The following CA6 variants were observed in gnomAD, a reference collection of about 807,000 sequenced individuals.
CA6 encodes carbonic anhydrase 6.
In CA6, 28 loss-of-function variants were observed where a neutral mutation model predicts 35.9. That is an observed-to-expected ratio of 0.78 (90% CI 0.58 to 1.07). The LOEUF (loss-of-function observed/expected upper bound fraction) is 1.07. CA6 is among the 50% of genes least tolerant of loss of function. The pLI, the probability that CA6 is intolerant of heterozygous loss-of-function variation, is 0.00. For missense variants in CA6, 377 were observed against 382.0 expected (o/e 0.99, Z 0.11); for synonymous variants, 148 against 152.6 (o/e 0.97, Z 0.22).
At position 8,973,451 on chromosome 1, in the gene CA6, C is replaced by T. The variant is rs375308896; in HGVS notation, c.845-1171C>T. On this transcript the variant is annotated intron_variant, in intron 7 of 7. Transcript: ENST00000377443. ...ATCTGAAATGCTTTTTCCACTACAG[C>T]GTCACTCTAGCATCTCCTCACGAGG... Among the ~76,000 whole-genome samples, 14 of 152,336 alleles carry T rather than the reference C, an allele frequency of 9.2e-5. No individual in the cohort carries two copies. The South Asian group carries it at 2.5e-3, about 27-fold the overall frequency.
chr1:8,965,081 T>C (rs1639935633), intron 5 of CA6, among the ~76,000 whole-genome samples: 1 of 152,058 alleles, frequency 6.6e-6, no homozygotes, highest in South Asian at 2.1e-4. Context: ...CCGTCTCTAC[T>C]AAAAATACAA....
chr1:8,947,880 C>T (rs967512351), intron 1 of CA6, among the ~76,000 whole-genome samples: 1 of 147,192 alleles, frequency 6.8e-6, no homozygotes, highest in Admixed American at 6.7e-5. Context: ...GTTTCACTCT[C>T]GTTGCCCAGG....
chr1:8,959,577 G>A (rs1295869639), intron 4 of CA6, among the ~76,000 whole-genome samples: 3 of 151,862 alleles, frequency 2.0e-5, no homozygotes, highest in African/African-American at 7.2e-5. Flanking sequence ...GCCTCCCAAA[G>A]TGCTGGGATT....
At chr1:8,959,143 C>T (rs757487895) in intron 4 of CA6, 141 bp downstream of exon 4, 3 of 623,306 alleles carry the variant, frequency 4.8e-6, no homozygotes, top group South Asian at 2.0e-5. Flanking sequence ...AACATTGACT[C>T]GATGGAAGAT....
chr1:8,974,473 C>A, intron 7 of CA6, 149 bp from the exon 8 acceptor site: 1 of 1,495,908 alleles, frequency 6.7e-7, no homozygotes, highest in Non-Finnish European at 8.9e-7. Context: ...TGACTAAAGG[C>A]AATGCACCGG....
Position 8,970,847 on chromosome 1 carries a change from T to C in CA6, c.730-20T>C, listed in dbSNP as rs547651948. ...ACCCAGTGACTCTTCCCCTCCATAA[T>C]GCACTCACGTTGCCCCCAGGTTTGG... On this transcript the variant is annotated intron_variant, in intron 6 of 7. Coordinates refer to ENST00000377443, the MANE Select transcript of CA6 (RefSeq NM_001215.4). 1.5e-5 allele frequency: 21 copies of C among 1,428,690 alleles called. No individual in the cohort carries two copies. The East Asian group carries it at 4.6e-4, about 31-fold the overall frequency. The allele number at this position is 1,428,690 out of a possible 1,614,324, so 88.5% of individuals were successfully genotyped here. A position where few individuals can be genotyped will look rare whatever the true frequency, so the allele number is the denominator to read the frequency against.
rs1307448186 is a variant in CA6, at chr1:8,959,018, C to T, written c.501+16C>T. On this transcript the variant is annotated intron_variant, in intron 4 of 7. Coordinates refer to ENST00000377443, the MANE Select transcript of CA6 (RefSeq NM_001215.4). ...CTTCGTTGAGGTAAGCAGAAACTACCCATGTGTGTCTGTATTTGAAGTTAT... is the reference window on the plus strand; with the variant it reads ...CTTCGTTGAGGTAAGCAGAAACTACTCATGTGTGTCTGTATTTGAAGTTAT... 6.7e-7 allele frequency: 1 copy of T among 1,483,682 alleles called. No individual in the cohort carries two copies. The highest frequency in any genetic ancestry group is 1.7e-5 in the Admixed American group (1 of 59,410). 91.9% of individuals were successfully genotyped at this position (1,483,682 alleles called of 1,614,324 possible). A position where few individuals can be genotyped will look rare whatever the true frequency, so the allele number is the denominator to read the frequency against.
At chr1:8,970,564 G>A (rs967704047) in intron 6 of CA6, among the ~76,000 whole-genome samples, 5 of 151,684 alleles carry the variant, frequency 3.3e-5, no homozygotes, top group South Asian at 2.1e-4. Context: ...GCTGGAGTGC[G>A]GTTGCGTGAT....
At chr1:8,947,045 C>A (rs1033578077) in intron 1 of CA6, among the ~76,000 whole-genome samples, 1 of 151,936 alleles carries the variant, frequency 6.6e-6, no homozygotes, top group Non-Finnish European at 1.5e-5. Context: ...CTCAAGTGAT[C>A]CGCCCACCTT....
At chr1:8,970,350 T>C (rs1640076417) in intron 6 of CA6, among the ~76,000 whole-genome samples, 1 of 152,118 alleles carries the variant, frequency 6.6e-6, no homozygotes, top group Non-Finnish European at 1.5e-5. Flanking sequence ...AAAAGAGAGC[T>C]TGTGTGCAGA....
At chr1:8,959,472 G>A (rs552516664) in intron 4 of CA6, among the ~76,000 whole-genome samples, 4 of 144,318 alleles carry the variant, frequency 2.8e-5, no homozygotes, top group South Asian at 4.2e-4. Context: ...CTGCCACCAC[G>A]TCTGGCTAAT....
chr1:8,956,006 T>C (rs1265341696), intron 2 of CA6, among the ~76,000 whole-genome samples: 1 of 152,196 alleles, frequency 6.6e-6, no homozygotes, highest in East Asian at 1.9e-4. Flanking sequence ...TTGGATCACT[T>C]GAGGTCAGGA....
At chr1:8,951,363 G>C in intron 2 of CA6, 2 of 705,170 alleles carry the variant, frequency 2.8e-6, no homozygotes, top group South Asian at 3.1e-5. Context: ...ATGAACAAAA[G>C]CCTCATTTTC....
intron 7 of CA6, among the ~76,000 whole-genome samples, chr1:8,973,774 T>TTC (rs1491416559): frequency 0.012 from 207 of 17,252 alleles, 4 homozygotes; most frequent in Admixed American, 0.015. Flanking sequence ...CTTTCTTTCT[T>TTC]TCTTTCTTTC....
At chr1:8,964,454 G>A (rs1639920559) in intron 5 of CA6, among the ~76,000 whole-genome samples, 1 of 152,052 alleles carries the variant, frequency 6.6e-6, no homozygotes, top group South Asian at 2.1e-4. Context: ...CACCATGTTG[G>A]CCAGGATGGT....
At chr1:8,960,918 T>TA (rs1408264656) in intron 4 of CA6, among the ~76,000 whole-genome samples, 10 of 151,716 alleles carry the variant, frequency 6.6e-5, no homozygotes, top group Non-Finnish European at 1.3e-4. Flanking sequence ...TCCAAGAAAC[T>TA]AAAAATACCC....
chr1:8,958,601 C>A (rs1485022673), intron 3 of CA6, among the ~76,000 whole-genome samples: 2 of 152,230 alleles, frequency 1.3e-5, no homozygotes, highest in African/African-American at 4.8e-5. Context: ...CAGGAGAACC[C>A]ACTGTCCTCA....
At chr1:8,955,763 C>T (rs950441695) in intron 2 of CA6, among the ~76,000 whole-genome samples, 1 of 149,656 alleles carries the variant, frequency 6.7e-6, no homozygotes, top group East Asian at 2.0e-4. Context: ...ACCTTTCAGG[C>T]CGGATTACTG....
chr1:8,960,502 A>G (rs1042864471), intron 4 of CA6, among the ~76,000 whole-genome samples: 2 of 152,052 alleles, frequency 1.3e-5, no homozygotes, highest in Admixed American at 6.6e-5. Context: ...AGGAATCTCA[A>G]TGGAGAAATA....
Sources: gnomAD v4.1 joint callset for allele counts (sites outside exome capture counted in the v4.1 genomes callset) on GRCh38, gnomAD v4.1.1 for gene constraint, MANE v1.5 for transcripts, NCBI Gene and HGNC (gene_info 2026-07-23, HGNC 2026-07-21) for gene names.